Variants in HIBADH observed in about 807,000 individuals in gnomAD.
HIBADH encodes 3-hydroxyisobutyrate dehydrogenase, mitochondrial.
HIBADH carries 25 observed loss-of-function variants against 36.1 expected under a neutral mutation model. The observed-to-expected ratio is 0.69, with a 90% CI of 0.50 to 0.97. The LOEUF (loss-of-function observed/expected upper bound fraction) is 0.97. Among genes scored for constraint, HIBADH ranks in the 50% least tolerant of loss-of-function variants. The pLI is 0.00. For synonymous variants in HIBADH, 160 were observed against 149.5 expected (o/e 1.07, Z -0.51); for missense variants, 421 against 418.0 (o/e 1.01, Z -0.06).
intron 1 of HIBADH, among the ~76,000 whole-genome samples, chr7:27,650,248 A>C (rs932727698): frequency 6.7e-6 from 1 of 149,618 alleles, no homozygotes; most frequent in Admixed American, 6.7e-5. Context: ...TCCCACTCCC[A>C]CAGTTACAGA....
intron 4 of HIBADH, among the ~76,000 whole-genome samples, chr7:27,545,334 G>A (rs1784222377): frequency 6.6e-6 from 1 of 152,176 alleles, no homozygotes; most frequent in Non-Finnish European, 1.5e-5. Flanking sequence ...AGCTACTCAG[G>A]AGGCTGAGAT....
intron 4 of HIBADH, among the ~76,000 whole-genome samples, chr7:27,572,760 C>T (rs1464973059): frequency 6.6e-6 from 1 of 151,994 alleles, no homozygotes; most frequent in Non-Finnish European, 1.5e-5. Flanking sequence ...TACAAGGAAC[C>T]CACTCTCAGC....
chr7:27,563,354 G>A (rs890648821), intron 4 of HIBADH, among the ~76,000 whole-genome samples: 14 of 152,150 alleles, frequency 9.2e-5, no homozygotes, highest in African/African-American at 3.4e-4. Flanking sequence ...CATGAATTCA[G>A]GTACAGGTTT....
At chr7:27,634,175 T>C (rs1172951231) in intron 2 of HIBADH, among the ~76,000 whole-genome samples, 3 of 152,210 alleles carry the variant, frequency 2.0e-5, no homozygotes, top group Admixed American at 1.3e-4. Flanking sequence ...TAGGAAATGA[T>C]ATTATAAAAT....
intron 2 of HIBADH, among the ~76,000 whole-genome samples, chr7:27,646,721 A>G (rs1786079451): frequency 8.0e-6 from 1 of 124,424 alleles, no homozygotes; most frequent in Non-Finnish European, 1.6e-5. Flanking sequence ...TTTGAGACAG[A>G]GTCTCCCTCT....
intron 4 of HIBADH, among the ~76,000 whole-genome samples, chr7:27,606,713 C>A (rs948567810): frequency 6.6e-6 from 1 of 152,218 alleles, no homozygotes; most frequent in Non-Finnish European, 1.5e-5. Context: ...AATAGCTCCT[C>A]TTACTCTGCA....
intron 5 of HIBADH, among the ~76,000 whole-genome samples, chr7:27,542,097 T>A (rs992205305): frequency 6.6e-5 from 10 of 152,258 alleles, no homozygotes; most frequent in African/African-American, 2.4e-4. Context: ...TGCATATTTA[T>A]AAACTAGTAT....
chr7:27,609,645 G>A (rs1027496292), intron 4 of HIBADH, among the ~76,000 whole-genome samples: 2 of 152,042 alleles, frequency 1.3e-5, no homozygotes, highest in Non-Finnish European at 2.9e-5. Flanking sequence ...AATTATAAGA[G>A]TTACTAAAGT....
At chr7:27,650,139 T>TTCCATAA (rs1786154090) in intron 1 of HIBADH, among the ~76,000 whole-genome samples, 1 of 152,094 alleles carries the variant, frequency 6.6e-6, no homozygotes, top group Non-Finnish European at 1.5e-5. Flanking sequence ...ATGTGAAGTA[T>TTCCATAA]TCCATATTAT....
chr7:27,583,002 G>A (rs937911856), intron 4 of HIBADH, among the ~76,000 whole-genome samples: 12 of 152,000 alleles, frequency 7.9e-5, no homozygotes, highest in African/African-American at 2.9e-4. Context: ...CAAAATACCT[G>A]GCCTAGTACT....
chr7:27,644,551 G>A (rs1786025831), intron 2 of HIBADH, among the ~76,000 whole-genome samples: 1 of 149,892 alleles, frequency 6.7e-6, no homozygotes, highest in South Asian at 2.1e-4. Context: ...AGTGAGCCAA[G>A]ATTGCGCCAC....
At chr7:27,575,341 A>T (rs529700901) in intron 4 of HIBADH, among the ~76,000 whole-genome samples, 105 of 152,324 alleles carry the variant, frequency 6.9e-4, no homozygotes, top group African/African-American at 2.4e-3. Flanking sequence ...GACTTGAGTA[A>T]ATAAGGTAAA....
Position 27,531,267 on chromosome 7 carries a change from A to T in HIBADH, c.777T>A (p.Pro259=). Residue 259 remains proline (P), a synonymous_variant, in exon 7 of 8, where the codon CCT becomes CCA. Coordinates refer to ENST00000265395, the MANE Select transcript of HIBADH (RefSeq NM_152740.4). ...GRCWSSDTYN[P]VPGVMDGVPS... is the part of the protein sequence containing the mutation. ...GAACGCCATCCATCACTCCAGGTAC[A>T]GGATTATAAGTGTCACTTGACCAAC... 1.2e-6 allele frequency: 2 copies of T among 1,614,088 alleles called. No individual in the cohort carries two copies. Among genetic ancestry groups the T allele is most frequent in the Non-Finnish European group, 1.7e-6 (2 of 1,179,964 alleles).
At chr7:27,642,884 C>T (rs1217493901) in intron 2 of HIBADH, among the ~76,000 whole-genome samples, 1 of 152,110 alleles carries the variant, frequency 6.6e-6, no homozygotes, top group Admixed American at 6.5e-5. Flanking sequence ...ATCTCCTGAC[C>T]TCGTGATCCG....
At chr7:27,533,483 A>T (rs1427236156) in intron 6 of HIBADH, among the ~76,000 whole-genome samples, 1 of 151,666 alleles carries the variant, frequency 6.6e-6, no homozygotes, top group Non-Finnish European at 1.5e-5. Flanking sequence ...CCCTGCCCCC[A>T]CCCGCAGCAA....
chr7:27,603,920 G>A (rs1266314847), intron 4 of HIBADH, among the ~76,000 whole-genome samples: 4 of 152,068 alleles, frequency 2.6e-5, no homozygotes, highest in African/African-American at 4.8e-5. Flanking sequence ...TTTACTTTCT[G>A]TAGTACTTTC....
At chr7:27,587,937 G>T (rs1006581563) in intron 4 of HIBADH, among the ~76,000 whole-genome samples, 10 of 152,176 alleles carry the variant, frequency 6.6e-5, no homozygotes, top group African/African-American at 2.4e-4. Flanking sequence ...AACATGAGTA[G>T]AGTATAGCAG....
rs193184141 is a variant in HIBADH at position 27,571,803 on chromosome 7, C to G, written c.485-28703G>C. 7.7e-4 allele frequency among the ~76,000 whole-genome samples: 117 copies of G among 152,206 alleles called. 2 individuals carry two copies. Among genetic ancestry groups the G allele is most frequent in the African/African-American group, 2.6e-3 (108 of 41,518 alleles). ...AGTTCTAGCCCTACCAAATTAAGGT[C>G]TTAAATTTAATTATTGGTTGAGTAT... On this transcript the variant is annotated intron_variant, in intron 4 of 7. Transcript: ENST00000265395.
intron 5 of HIBADH, 82 bp from the exon 6 acceptor site, chr7:27,538,499 G>C (rs1355305368): frequency 8.9e-7 from 1 of 1,129,024 alleles, no homozygotes; most frequent in Middle Eastern, 1.9e-4. Context: ...CCAATTCCAG[G>C]GGCTGCTTTC....
Sources: gnomAD v4.1 joint callset for allele counts (sites outside exome capture counted in the v4.1 genomes callset) on GRCh38, gnomAD v4.1.1 for gene constraint, MANE v1.5 for transcripts, NCBI Gene and HGNC (gene_info 2026-07-23, HGNC 2026-07-21) for gene names.